The following EFNB2 variants were observed in gnomAD, a reference collection of about 807,000 sequenced individuals.
EFNB2 encodes the protein ephrin-B2.
A neutral mutation model predicts 32.1 loss-of-function variants in EFNB2; 5 were observed. The ratio of observed to expected loss-of-function variants is 0.16; its 90% CI spans 0.08 to 0.33. The LOEUF is 0.33. Among genes scored for constraint, EFNB2 ranks in the 10% least tolerant of loss-of-function variants. The pLI is 1.00. For synonymous variants in EFNB2, 168 were observed against 166.5 expected (o/e 1.01, Z -0.07); for missense variants, 263 against 422.6 (o/e 0.62, Z 3.31).
chr13:106,514,840 T>C (rs1879262977), intron 1 of EFNB2, among the ~76,000 whole-genome samples: 1 of 152,288 alleles, frequency 6.6e-6, no homozygotes. Context: ...CTTCAGAGAT[T>C]AGGATCCTTA....
chr13:106,502,183 G>A (rs1483529079), intron 2 of EFNB2, among the ~76,000 whole-genome samples: 1 of 152,138 alleles, frequency 6.6e-6, no homozygotes, highest in African/African-American at 2.4e-5. Flanking sequence ...GTAATAACTG[G>A]CTTAGCTTCA....
intron 1 of EFNB2, among the ~76,000 whole-genome samples, chr13:106,513,032 T>C (rs1348379204): frequency 1.3e-5 from 2 of 152,222 alleles, no homozygotes; most frequent in Non-Finnish European, 2.9e-5. Context: ...CCACTTTCCT[T>C]ACTCTAAGCT....
Position 106,492,886 on chromosome 13 carries a change from G to A in EFNB2, c.*154C>T. ...CGAATGCTACAAGACTAGGTAAGCTGTCCAGCGCGACGGGCTCTTCCGAGG... is the reference window on the plus strand; with the variant it reads ...CGAATGCTACAAGACTAGGTAAGCTATCCAGCGCGACGGGCTCTTCCGAGG... On this transcript the variant is annotated 3_prime_UTR_variant, in exon 5 of 5. Transcript: ENST00000646441. This position sits in a 1 kb window ranked among gnomAD's most constrained non-coding sequence, Gnocchi z 5.1. 1.0e-6 allele frequency: 1 copy of A among 988,832 alleles called. No individual in the cohort carries two copies. Among genetic ancestry groups the A allele is most frequent in the East Asian group, 2.6e-5 (1 of 38,672 alleles). The allele number at this position is 988,832 out of a possible 1,614,324, so 61.3% of individuals were successfully genotyped here. A position where few individuals can be genotyped will look rare whatever the true frequency, so the allele number is the denominator to read the frequency against.
At chr13:106,508,724 A>T (rs1879038320) in intron 2 of EFNB2, among the ~76,000 whole-genome samples, 1 of 152,230 alleles carries the variant, frequency 6.6e-6, no homozygotes, top group African/African-American at 2.4e-5. Context: ...TTTAAGTGGA[A>T]CTATTTTAAG....
intron 2 of EFNB2, 92 bp from the exon 3 acceptor site, chr13:106,495,932 CA>C: frequency 8.1e-7 from 1 of 1,238,152 alleles, no homozygotes; most frequent in Non-Finnish European, 1.1e-6. Flanking sequence ...TGTCTGAAAA[CA>C]ATTTGAAAAA....
intron 1 of EFNB2, among the ~76,000 whole-genome samples, chr13:106,527,519 C>T (rs1268996797): frequency 6.6e-6 from 1 of 152,124 alleles, no homozygotes; most frequent in Non-Finnish European, 1.5e-5. Context: ...TGGAGCTTTC[C>T]CTTGCTATGT....
rs1351273647 is a variant in EFNB2 at position 106,535,435 on chromosome 13, G to T, written c.-471C>A. 1 of 150,388 alleles carries T rather than the reference G, an allele frequency of 6.6e-6. No individual in the cohort carries two copies. The highest frequency in any genetic ancestry group is 6.6e-5 in the Admixed American group (1 of 15,092). The allele number at this position is 150,388 out of a possible 1,614,324, so 9.3% of individuals were successfully genotyped here. A position where few individuals can be genotyped will look rare whatever the true frequency, so the allele number is the denominator to read the frequency against. ...CCGAGCGCGCGGGCGCCGCGTCGGC[G>T]CGGTTCCATGTCCCGGAGCACGGAG... is the stretch of plus-strand genomic sequence containing the variant. On this transcript the variant is annotated 5_prime_UTR_variant, in exon 1 of 5. Coordinates refer to ENST00000646441, the MANE Select transcript of EFNB2 (RefSeq NM_004093.4).
intron 1 of EFNB2, among the ~76,000 whole-genome samples, chr13:106,515,394 C>T (rs554171513): frequency 3.4e-4 from 52 of 152,196 alleles, no homozygotes; most frequent in African/African-American, 1.3e-3. Flanking sequence ...CTTATCAAAG[C>T]GGAAGTGTGG....
At chr13:106,528,551 G>C (rs1026833164) in intron 1 of EFNB2, among the ~76,000 whole-genome samples, 2 of 151,896 alleles carry the variant, frequency 1.3e-5, no homozygotes, top group East Asian at 1.9e-4. Context: ...ACTCCATCAA[G>C]AAAGACACAG....
chr13:106,523,076 G>T (rs1566462501), intron 1 of EFNB2, among the ~76,000 whole-genome samples: 1 of 152,120 alleles, frequency 6.6e-6, no homozygotes, highest in Non-Finnish European at 1.5e-5. Flanking sequence ...CCTCCTTCCT[G>T]GGCTTCAGAG....
chr13:106,499,417 A>G (rs967225452), intron 2 of EFNB2, among the ~76,000 whole-genome samples: 2 of 152,244 alleles, frequency 1.3e-5, no homozygotes, highest in Non-Finnish European at 2.9e-5. Flanking sequence ...AAAAATAACA[A>G]GAAATTGCTA....
Position 106,491,999 on chromosome 13 carries a change from C to T in EFNB2, c.*1041G>A, listed in dbSNP as rs1233631335. ...ATCTTATTGCCAGTACCACAACAGTCCTGCCCGAATATATCATCAGCGGCC... is the reference window on the plus strand; with the variant it reads ...ATCTTATTGCCAGTACCACAACAGTTCTGCCCGAATATATCATCAGCGGCC... On this transcript the variant is annotated 3_prime_UTR_variant, in exon 5 of 5. Coordinates refer to ENST00000646441, the MANE Select transcript of EFNB2 (RefSeq NM_004093.4). The T allele has an allele frequency of 6.6e-6, 1 of 152,648 alleles. No homozygotes were observed. The highest frequency in any genetic ancestry group is 1.5e-5 in the Non-Finnish European group (1 of 68,076). The allele number at this position is 152,648 out of a possible 1,614,324, so 9.5% of individuals were successfully genotyped here. A position where few individuals can be genotyped will look rare whatever the true frequency, so the allele number is the denominator to read the frequency against.
rs374559924 is a variant in EFNB2, at chr13:106,493,212, C to A, written c.830G>T (p.Arg277Leu). The A allele has an allele frequency of 8.7e-6, 14 of 1,614,170 alleles. No individual in the cohort carries two copies. The highest frequency in any genetic ancestry group is 1.1e-5 in the Non-Finnish European group (13 of 1,180,040). ...LSLSTLATPK[R>L]SGNNNGSEPS... ...CTCTGAGCCGTTGTTGTTGCCGCTG[C>A]GCTTGGGTGTGGCCAGTGTGCTGAG... The change falls in exon 5 of 5, where the codon CGC becomes CTC. Residue 277 changes from arginine to leucine, a missense_variant. Transcript: ENST00000646441. This position sits in a 1 kb window ranked among gnomAD's most constrained non-coding sequence, Gnocchi z 6.1.
chr13:106,505,745 AT>A (rs1878929001), intron 2 of EFNB2, among the ~76,000 whole-genome samples: 1 of 152,220 alleles, frequency 6.6e-6, no homozygotes, highest in Non-Finnish European at 1.5e-5. Context: ...GCATTGTCCA[AT>A]TATTTATAAA....
intron 2 of EFNB2, chr13:106,509,837 G>C (rs900580573): frequency 1.3e-5 from 2 of 152,116 alleles, no homozygotes; most frequent in Admixed American, 6.5e-5. Context: ...GTAGATCAAT[G>C]AGCTTTGCTG....
intron 1 of EFNB2, among the ~76,000 whole-genome samples, chr13:106,515,300 C>T (rs748757650): frequency 3.5e-4 from 53 of 152,114 alleles, no homozygotes; most frequent in Admixed American, 9.2e-4. Flanking sequence ...GCCAGGCCTT[C>T]CTTGATGTAA....
Position 106,491,333 on chromosome 13 carries a change from A to G in EFNB2, c.*1707T>C, listed in dbSNP as rs1044450981. On this transcript the variant is annotated 3_prime_UTR_variant, in exon 5 of 5. Coordinates refer to ENST00000646441, the MANE Select transcript of EFNB2 (RefSeq NM_004093.4). ...CTTGGTTATTTTTGCATTTGCTCTC[A>G]TTATTGTTCTTTTTGGAATGATGTT... 3 of 152,400 alleles carry G rather than the reference A, an allele frequency of 2.0e-5. No homozygotes were observed. The highest frequency in any genetic ancestry group is 7.3e-5 in the African/African-American group (3 of 41,338). The allele number at this position is 152,400 out of a possible 1,614,324, so 9.4% of individuals were successfully genotyped here. A position where few individuals can be genotyped will look rare whatever the true frequency, so the allele number is the denominator to read the frequency against.
chr13:106,506,262 C>T (rs888198869), intron 2 of EFNB2: 2 of 152,144 alleles, frequency 1.3e-5, no homozygotes, highest in Admixed American at 6.5e-5. Context: ...CTCTGGAAGA[C>T]GATTTATACC....
chr13:106,494,988 C>T lies in EFNB2; in HGVS notation c.506G>A (p.Ser169Asn). The T allele has an allele frequency of 6.2e-7, 1 of 1,613,662 alleles. No homozygotes were observed. The highest frequency in any genetic ancestry group is 1.1e-5 in the South Asian group (1 of 91,074). The change falls in exon 4 of 5, where the codon AGT becomes AAT. Residue 169 changes from serine to asparagine, a missense_variant. Around this residue, in one of 3 missense-constraint regions of EFNB2, gnomAD observed 172 missense variants for 237.1 expected, o/e 0.73. Transcript: ENST00000646441. ...KILMKVGQDASSAGSTRNKDP... is the reference protein window; with the variant it reads ...KILMKVGQDANSAGSTRNKDP... ...TTTATTCCTGGTTGATCCAGCAGAA[C>T]TTGCATCTATATGAAAAACAAATGA...
Sources: gnomAD v4.1 joint callset for allele counts (sites outside exome capture counted in the v4.1 genomes callset) on GRCh38, gnomAD v4.1.1 for gene constraint, gnomAD v4.1.1 regional missense constraint, Gnocchi (gnomAD v3.1) non-coding constraint, MANE v1.5 for transcripts, NCBI Gene and HGNC (gene_info 2026-07-23, HGNC 2026-07-21) for gene names.